Variants in PEBP4 observed in about 807,000 individuals in gnomAD.
The protein encoded by PEBP4 is phosphatidylethanolamine-binding protein 4.
PEBP4 carries 22 observed loss-of-function variants against 23.9 expected under a neutral mutation model. That is an observed-to-expected ratio of 0.92 (90% CI 0.66 to 1.31). PEBP4 has a LOEUF of 1.31. PEBP4 is among the 40% of genes most tolerant of loss of function. PEBP4 has a pLI of 0.00. For missense variants in PEBP4, 324 were observed against 281.7 expected, an observed-to-expected ratio of 1.15 and a Z score of -1.07; for synonymous variants, 112 against 99.3, an observed-to-expected ratio of 1.13 and a Z score of -0.76.
chr8:22,727,707 A>T (rs540011210), intron 4 of PEBP4, among the ~76,000 whole-genome samples: 4 of 152,076 alleles, frequency 2.6e-5, no homozygotes, highest in Non-Finnish European at 5.9e-5. Context: ...AATATTAAGC[A>T]ATGGGCTCAG....
intron 2 of PEBP4, among the ~76,000 whole-genome samples, chr8:22,922,993 G>T (rs765934096): frequency 1.3e-5 from 2 of 152,124 alleles, no homozygotes; most frequent in Non-Finnish European, 2.9e-5. Context: ...CCAATATATC[G>T]GGGACATCAC....
At chr8:22,763,408 C>T (rs1160967139) in intron 4 of PEBP4, among the ~76,000 whole-genome samples, 3 of 152,216 alleles carry the variant, frequency 2.0e-5, no homozygotes, top group Non-Finnish European at 2.9e-5. Context: ...CTCCAATCCC[C>T]GACAGCGGTC....
chr8:22,927,453 G>T, intron 2 of PEBP4, 131 bp downstream of exon 2: 2 of 1,141,312 alleles, frequency 1.8e-6, no homozygotes, highest in Non-Finnish European at 2.4e-6. Context: ...CTCCAGATCT[G>T]ACACGTGTTC....
intron 4 of PEBP4, among the ~76,000 whole-genome samples, chr8:22,809,785 T>C (rs531014338): frequency 2.6e-5 from 4 of 152,332 alleles, no homozygotes; most frequent in South Asian, 4.1e-4. Flanking sequence ...TCTTTAGTTA[T>C]TGTTGTTGTT....
rs149605488 is a variant in PEBP4 at position 22,778,937 on chromosome 8, G to A, written c.357+38700C>T. Among the ~76,000 whole-genome samples, 706 of 152,240 alleles carry A rather than the reference G, an allele frequency of 4.6e-3. 5 individuals are homozygous for A. Among genetic ancestry groups the A allele is most frequent in the African/African-American group, 0.016 (681 of 41,542 alleles). On this transcript the variant is annotated intron_variant, in intron 4 of 6. Transcript: ENST00000256404. ...TGTCATGTTGTCGGAGGCTGTCCTC[G>A]GAGGTGTGAGGAACTCCAATTAAGC...
At chr8:22,824,269 G>GA (rs34367097) in intron 3 of PEBP4, among the ~76,000 whole-genome samples, 17 of 151,098 alleles carry the variant, frequency 1.1e-4, no homozygotes, top group South Asian at 2.1e-4. Flanking sequence ...TGCACTCAAG[G>GA]AAAAAAAAAG....
At position 22,898,410 on chromosome 8, in the gene PEBP4, A is replaced by C. The variant is rs1479001109; in HGVS notation, c.258+21774T>G. Among the ~76,000 whole-genome samples the C allele has an allele frequency of 7.6e-4, 110 of 144,610 alleles. 1 individual carries two copies. The highest frequency in any genetic ancestry group is 4.2e-3 in the South Asian group (19 of 4,504). 94.9% of individuals were successfully genotyped at this position (144,610 alleles called of 152,430 possible). ...CCACCCCAAAAAAAAAAAAAAAAAA[A>C]AAAAAAAAAAAAAAAAAAAAACCCA... On this transcript the variant is annotated intron_variant, in intron 3 of 6. Transcript: ENST00000256404.
chr8:22,909,562 A>T (rs1220779638), intron 3 of PEBP4, among the ~76,000 whole-genome samples: 1 of 152,070 alleles, frequency 6.6e-6, no homozygotes, highest in Non-Finnish European at 1.5e-5. Flanking sequence ...CCTTCCCTGT[A>T]TTGGCTTAGG....
intron 2 of PEBP4, chr8:22,925,252 C>T (rs1809301134): frequency 1.0e-6 from 1 of 985,280 alleles, no homozygotes; most frequent in African/African-American, 1.7e-5. Flanking sequence ...GGTCATAAGT[C>T]TCTTTCTCAG....
chr8:22,890,599 C>T (rs1007360284), intron 3 of PEBP4, among the ~76,000 whole-genome samples: 1 of 152,254 alleles, frequency 6.6e-6, no homozygotes, highest in Non-Finnish European at 1.5e-5. Flanking sequence ...CTTGCCACAT[C>T]ACACTGTGTT....
intron 4 of PEBP4, among the ~76,000 whole-genome samples, chr8:22,807,948 T>C (rs572337186): frequency 6.6e-4 from 99 of 150,058 alleles, no homozygotes; most frequent in African/African-American, 2.3e-3. Flanking sequence ...TAAACCTCTA[T>C]CCATTCATTC....
At chr8:22,853,892 A>G (rs1397380580) in intron 3 of PEBP4, among the ~76,000 whole-genome samples, 1 of 152,246 alleles carries the variant, frequency 6.6e-6, no homozygotes, top group East Asian at 1.9e-4. Flanking sequence ...TGGTTGGGAC[A>G]ACAATTATGC....
chr8:22,796,585 G>A (rs1328709140), intron 4 of PEBP4, among the ~76,000 whole-genome samples: 1 of 152,134 alleles, frequency 6.6e-6, no homozygotes, highest in East Asian at 1.9e-4. Flanking sequence ...TGCCGCCTAA[G>A]AAGAAGCACT....
At chr8:22,875,760 G>A (rs372661861) in intron 3 of PEBP4, among the ~76,000 whole-genome samples, 43 of 151,932 alleles carry the variant, frequency 2.8e-4, no homozygotes, top group East Asian at 2.1e-3. Flanking sequence ...TCACCCACCC[G>A]CACTGTCCAG....
intron 3 of PEBP4, among the ~76,000 whole-genome samples, chr8:22,855,491 T>A (rs1002563494): frequency 1.3e-5 from 2 of 152,160 alleles, no homozygotes; most frequent in Non-Finnish European, 2.9e-5. Flanking sequence ...TGTGTCATGA[T>A]CTGTATTTTC....
At chr8:22,743,148 G>A (rs562090959) in intron 4 of PEBP4, among the ~76,000 whole-genome samples, 1 of 152,238 alleles carries the variant, frequency 6.6e-6, no homozygotes, top group South Asian at 2.1e-4. Flanking sequence ...CCTTATCAGT[G>A]CTTCCTTGGG....
chr8:22,935,693 T>C (rs750206817), intron 1 of PEBP4, among the ~76,000 whole-genome samples: 26 of 152,220 alleles, frequency 1.7e-4, no homozygotes, highest in Non-Finnish European at 3.5e-4. Flanking sequence ...TTATTAATAA[T>C]ATTGTATAAA....
At chr8:22,793,274 T>C (rs1283545151) in intron 4 of PEBP4, among the ~76,000 whole-genome samples, 1 of 152,150 alleles carries the variant, frequency 6.6e-6, no homozygotes, top group East Asian at 1.9e-4. Context: ...CATAATATTC[T>C]TTTTTCTTTT....
At chr8:22,791,444 C>T (rs1210942424) in intron 4 of PEBP4, among the ~76,000 whole-genome samples, 2 of 152,170 alleles carry the variant, frequency 1.3e-5, no homozygotes, top group Non-Finnish European at 2.9e-5. Flanking sequence ...TTATTTGTGA[C>T]ACCATCCAAA....
Sources: gnomAD v4.1 joint callset for allele counts (sites outside exome capture counted in the v4.1 genomes callset) on GRCh38, gnomAD v4.1.1 for gene constraint, MANE v1.5 for transcripts, NCBI Gene and HGNC (gene_info 2026-07-23, HGNC 2026-07-21) for gene names.